ITGA4: variants seen among roughly 807,000 people sequenced by gnomAD.
ITGA4 encodes the protein integrin alpha-4.
Under a neutral mutation model 133.6 loss-of-function variants are expected in ITGA4, and 63 were observed. That is an observed-to-expected ratio of 0.47 (90% CI 0.38 to 0.58). The LOEUF is 0.58. ITGA4 is among the 20% of genes least tolerant of loss of function. ITGA4 has a pLI of 0.00. For missense variants in ITGA4, 1,076 were observed against 1,252.7 expected, an observed-to-expected ratio of 0.86 and a Z score of 2.13; for synonymous variants, 483 against 438.0, an observed-to-expected ratio of 1.10 and a Z score of -1.28.
chr2:181,497,905 T>G (rs961197791), intron 14 of ITGA4, among the ~76,000 whole-genome samples: 1 of 151,936 alleles, frequency 6.6e-6, no homozygotes, highest in Non-Finnish European at 1.5e-5. Context: ...TTTGGAGATC[T>G]TCATGAGCAG....
Position 181,536,456 on chromosome 2 carries a change from AGGG to A in ITGA4, c.*932_*934del, listed in dbSNP as rs1041987805. ...TTAAAATCAAAGCTGTGCAAAGACT[AGGG>A]GGCCTATACTTCATATGTATTATGT... On this transcript the variant is annotated 3_prime_UTR_variant, in exon 28 of 28. Coordinates refer to ENST00000397033, the MANE Select transcript of ITGA4 (RefSeq NM_000885.6). Among the ~76,000 whole-genome samples, 1 of 152,120 alleles carries A rather than the reference AGGG, an allele frequency of 6.6e-6. No homozygotes were observed. The highest frequency in any genetic ancestry group is 1.5e-5 in the Non-Finnish European group (1 of 67,992).
chr2:181,504,741 A>T (rs935585526), intron 15 of ITGA4, among the ~76,000 whole-genome samples: 4 of 152,072 alleles, frequency 2.6e-5, no homozygotes. Flanking sequence ...AACAATAAAT[A>T]TTTAACAAAT....
At chr2:181,485,107 C>T (rs989314381) in intron 9 of ITGA4, among the ~76,000 whole-genome samples, 1 of 152,160 alleles carries the variant, frequency 6.6e-6, no homozygotes, top group Non-Finnish European at 1.5e-5. Context: ...ATCTATGCTC[C>T]ACTGCTGCTG....
Position 181,536,968 on chromosome 2 carries a change from C to T in ITGA4, c.*1441C>T, listed in dbSNP as rs886055313. ...AAGTCCCTGCCACTAGCCAGCCATC[C>T]TAATTGATGAAAGTTATCTGTTCAC... On this transcript the variant is annotated 3_prime_UTR_variant, in exon 28 of 28. Transcript: ENST00000397033. The T allele has an allele frequency of 4.4e-6, 2 of 452,304 alleles. No homozygotes were observed. Among genetic ancestry groups the T allele is most frequent in the African/African-American group, 2.0e-5 (1 of 49,860 alleles). 28.0% of individuals were successfully genotyped at this position (452,304 alleles called of 1,614,324 possible).
In ITGA4 at chr2:181,527,372, G is replaced by A. The variant is rs764502797; in HGVS notation, c.2415G>A (p.Met805Ile). The change falls in exon 22 of 28, where the codon ATG (methionine) becomes ATA (isoleucine). Residue 805 changes from methionine (M) to isoleucine (I), a missense_variant. This residue lies in a region of ITGA4 where 365 missense variants were observed against 421.4 expected (regional missense o/e 0.87). Coordinates refer to ENST00000397033, the MANE Select transcript of ITGA4 (RefSeq NM_000885.6). The stretch of plus-strand genomic sequence containing the variant: ...CTGAAACGTGCATGGTGGAGAAAAT[G>A]AACTTAACTTTCCATGTAAGAAAAG... ...NEPETCMVEK[M>I]NLTFHVINTG... 2 of 1,607,350 alleles carry A rather than the reference G, an allele frequency of 1.2e-6. No individual in the cohort carries two copies. The highest frequency in any genetic ancestry group is 2.2e-5 in the South Asian group (2 of 90,902).
intron 19 of ITGA4, 91 bp from the exon 20 acceptor site, chr2:181,524,080 A>G: frequency 1.3e-6 from 1 of 784,186 alleles, no homozygotes; most frequent in Non-Finnish European, 2.1e-6. Context: ...TCTACATTCC[A>G]TAGAACATAA....
At chr2:181,524,462 T>TTAGAG in intron 20 of ITGA4, 1 of 444,822 alleles carries the variant, frequency 2.2e-6, no homozygotes. Flanking sequence ...TTAGATTAGA[T>TTAGAG]TAGAGTAGAC....
Position 181,523,888 on chromosome 2 carries a change from A to C in ITGA4, c.2170-283A>C, listed in dbSNP as rs1413341602. On this transcript the variant is annotated intron_variant, in intron 19 of 27. Coordinates refer to ENST00000397033, the MANE Select transcript of ITGA4 (RefSeq NM_000885.6). This position sits in a 1 kb window ranked among gnomAD's most constrained non-coding sequence, Gnocchi z 4.2. ...AAAGGTGTTTTTGGCAAGAGTCTCC[A>C]CTCAAGTTGTGAAAGCATTTCTAAT... 1.3e-5 allele frequency among the ~76,000 whole-genome samples: 2 copies of C among 151,952 alleles called. No individual in the cohort carries two copies. The highest frequency in any genetic ancestry group is 2.9e-5 in the Non-Finnish European group (2 of 67,976).
At chr2:181,498,955 G>A (rs995657227) in intron 15 of ITGA4, 178 bp downstream of exon 15, 3 of 859,954 alleles carry the variant, frequency 3.5e-6, no homozygotes, top group Non-Finnish European at 4.2e-6. Flanking sequence ...GTAATTCAGA[G>A]TCCTCTTATT....
At position 181,511,707 on chromosome 2, in the gene ITGA4, T is replaced by G; in HGVS notation, c.1854T>G (p.Phe618Leu). ...TGTCTTTTTATTTCCAGATAAACTTTGCAAGGTTTTGTGCCCATGAAAATT... is the reference window on the plus strand; with the variant it reads ...TGTCTTTTTATTTCCAGATAAACTTGGCAAGGTTTTGTGCCCATGAAAATT... The part of the protein sequence containing the change: ...EKDIMKKTIN[F>L]ARFCAHENCS... Residue 618 changes from phenylalanine to leucine, a missense_variant, in exon 17 of 28, where the codon TTT becomes TTG. Phe to Leu is a conservative substitution (Grantham distance 22). This residue lies in a region of ITGA4 where 365 missense variants were observed against 421.4 expected (regional missense o/e 0.87). Transcript: ENST00000397033. The G allele has an allele frequency of 6.3e-7, 1 of 1,577,452 alleles. No individual in the cohort carries two copies. Among genetic ancestry groups the G allele is most frequent in the South Asian group, 1.1e-5 (1 of 88,980 alleles).
chr2:181,457,474 A>G lies in ITGA4; in HGVS notation c.-181A>G. On this transcript the variant is annotated 5_prime_UTR_variant, in exon 1 of 28. Transcript: ENST00000397033. ...TGCGCGGCATCCCAGGCCGGCCCGA[A>G]CGCTCCGCCCGCGGTGGGCCGACTT... 2 of 597,624 alleles carry G rather than the reference A, an allele frequency of 3.3e-6. No homozygotes were observed. The highest frequency in any genetic ancestry group is 4.1e-5 in the South Asian group (2 of 48,720). The allele number at this position is 597,624 out of a possible 1,614,324, so 37.0% of individuals were successfully genotyped here. A position where few individuals can be genotyped will look rare whatever the true frequency, so the allele number is the denominator to read the frequency against.
chr2:181,471,922 A>G (rs1685561706), intron 2 of ITGA4, among the ~76,000 whole-genome samples: 1 of 152,226 alleles, frequency 6.6e-6, no homozygotes, highest in African/African-American at 2.4e-5. Context: ...CCACACTGGA[A>G]ATAAAGTCCC....
intron 4 of ITGA4, chr2:181,475,902 T>C (rs1685663879): frequency 1.9e-6 from 3 of 1,549,528 alleles, no homozygotes; most frequent in Non-Finnish European, 8.7e-7. Context: ...TCAGAGGATA[T>C]CTGCAGCAAA....
intron 18 of ITGA4, 91 bp downstream of exon 18, chr2:181,522,432 G>C (rs1686740141): frequency 2.3e-6 from 2 of 881,574 alleles, no homozygotes; most frequent in Non-Finnish European, 3.4e-6. Context: ...CACTGATTTG[G>C]GGTATAAGTC....
At chr2:181,507,550 G>C (rs1686418506) in intron 15 of ITGA4, among the ~76,000 whole-genome samples, 1 of 152,028 alleles carries the variant, frequency 6.6e-6, no homozygotes, top group Non-Finnish European at 1.5e-5. Context: ...TTGCCCTGCA[G>C]TAACCCTGGG....
intron 14 of ITGA4, among the ~76,000 whole-genome samples, chr2:181,496,319 C>A (rs970687017): frequency 1.1e-4 from 16 of 151,986 alleles, no homozygotes; most frequent in African/African-American, 2.9e-4. Flanking sequence ...GTCTATAATC[C>A]CAGCACTTGA....
chr2:181,514,728 A>G (rs1397490994), intron 17 of ITGA4, among the ~76,000 whole-genome samples: 4 of 152,090 alleles, frequency 2.6e-5, no homozygotes, highest in African/African-American at 7.2e-5. Context: ...CACTTGTGCT[A>G]TCACCTTTCA....
intron 2 of ITGA4, chr2:181,458,592 C>G: frequency 2.3e-6 from 1 of 433,186 alleles, no homozygotes; most frequent in Admixed American, 3.4e-5. Flanking sequence ...CATCTCTCCC[C>G]GTCTCTCCGT....
intron 17 of ITGA4, among the ~76,000 whole-genome samples, chr2:181,520,976 A>G (rs1049187458): frequency 3.9e-5 from 6 of 152,192 alleles, no homozygotes; most frequent in Non-Finnish European, 8.8e-5. Context: ...TTCCTACTGT[A>G]TCTTTAGTAT....
Sources: allele counts gnomAD v4.1 joint callset (sites outside exome capture counted in the v4.1 genomes callset), GRCh38; gene constraint gnomAD v4.1.1; regional missense constraint gnomAD v4.1.1; non-coding constraint Gnocchi (gnomAD v3.1); transcripts MANE v1.5; gene names NCBI Gene and HGNC (gene_info 2026-07-23, HGNC 2026-07-21).